Variants in LONP2 observed in about 807,000 individuals in gnomAD.
The protein encoded by LONP2 is lon protease homolog 2, peroxisomal.
LONP2 carries 60 observed loss-of-function variants against 85.6 expected under a neutral mutation model. That is an observed-to-expected ratio of 0.70 (90% CI 0.57 to 0.87). The LOEUF is 0.87. Ranked by LOEUF, LONP2 falls within the 40% of genes least tolerant of loss-of-function variation. LONP2 has a pLI of 0.00. For synonymous variants in LONP2, 395 were observed against 389.7 expected (o/e 1.01, Z -0.16); for missense variants, 860 against 1,063.5 (o/e 0.81, Z 2.66).
At chr16:48,254,489 A>G (rs773351435) in intron 2 of LONP2, among the ~76,000 whole-genome samples, 7 of 150,924 alleles carry the variant, frequency 4.6e-5, no homozygotes, top group Admixed American at 1.3e-4. Context: ...TCAGCCTCCC[A>G]AGTAGCTGGC....
At chr16:48,305,416 G>A (rs561262994) in intron 11 of LONP2, among the ~76,000 whole-genome samples, 5 of 152,044 alleles carry the variant, frequency 3.3e-5, no homozygotes, top group African/African-American at 7.2e-5. Context: ...CACCACGCCC[G>A]GCTAATTTTT....
intron 1 of LONP2, among the ~76,000 whole-genome samples, chr16:48,246,722 G>C (rs1971409550): frequency 6.6e-6 from 1 of 152,040 alleles, no homozygotes. Context: ...CTATAGGCGT[G>C]CACCACTACA....
Position 48,347,651 on chromosome 16 carries a change from G to A in LONP2, c.2083G>A (p.Glu695Lys). Residue 695 changes from glutamate (E) to lysine (K), a missense_variant, in exon 13 of 15, where the codon GAG becomes AAG. By Grantham distance (56) the Glu-to-Lys change is moderately conservative. Around this residue, in one of 3 missense-constraint regions of LONP2, gnomAD observed 743 missense variants for 917.3 expected, o/e 0.81. Coordinates refer to ENST00000285737, the MANE Select transcript of LONP2 (RefSeq NM_031490.5). ...LTGQLGDVMK[E>K]SAHLAISWLR... is the part of the protein sequence containing the mutation. ...CGGCCAGCTCGGGGACGTGATGAAG[G>A]AGTCCGCCCACCTCGCTATCAGCTG... 6.2e-7 allele frequency: 1 copy of A among 1,614,238 alleles called. No individual in the cohort carries two copies. Among genetic ancestry groups the A allele is most frequent in the Non-Finnish European group, 8.5e-7 (1 of 1,180,042 alleles).
chr16:48,256,483 T>G, intron 2 of LONP2, 127 bp from the exon 3 acceptor site: 1 of 902,550 alleles, frequency 1.1e-6, no homozygotes, highest in East Asian at 2.5e-5. Context: ...ACGTGGACTA[T>G]ATTAATCAGT....
chr16:48,333,731 G>C (rs1329055129), intron 11 of LONP2, among the ~76,000 whole-genome samples: 1 of 152,018 alleles, frequency 6.6e-6, no homozygotes, highest in Non-Finnish European at 1.5e-5. Context: ...TACCTGATCA[G>C]ACTCCTCTGA....
chr16:48,279,833 A>G (rs1972289399), intron 8 of LONP2, among the ~76,000 whole-genome samples: 1 of 151,870 alleles, frequency 6.6e-6, no homozygotes, highest in Admixed American at 6.6e-5. Context: ...TTTCTTGTTT[A>G]TTTCTGTGCT....
chr16:48,293,902 C>T (rs1026746452), intron 8 of LONP2, among the ~76,000 whole-genome samples: 1 of 152,182 alleles, frequency 6.6e-6, no homozygotes. Context: ...ATTTTCCATA[C>T]ATAAACATTT....
At chr16:48,287,956 A>T (rs1444448660) in intron 8 of LONP2, among the ~76,000 whole-genome samples, 1 of 152,032 alleles carries the variant, frequency 6.6e-6, no homozygotes, top group African/African-American at 2.4e-5. Flanking sequence ...TGCTTGAATG[A>T]TTTCACTGCA....
chr16:48,350,557 A>T (rs1453258870), intron 14 of LONP2, among the ~76,000 whole-genome samples: 1 of 152,256 alleles, frequency 6.6e-6, no homozygotes, highest in Admixed American at 6.5e-5. Flanking sequence ...GTACTTCAGC[A>T]GCATGAACAA....
intron 8 of LONP2, among the ~76,000 whole-genome samples, chr16:48,295,416 T>G (rs896360411): frequency 2.6e-5 from 4 of 152,226 alleles, no homozygotes; most frequent in African/African-American, 9.6e-5. Context: ...TAAGCAGCAA[T>G]GTTTTGTAGT....
At chr16:48,280,444 A>C (rs1237181528) in intron 8 of LONP2, among the ~76,000 whole-genome samples, 1 of 152,196 alleles carries the variant, frequency 6.6e-6, no homozygotes, top group Non-Finnish European at 1.5e-5. Context: ...TTAGGTCTTC[A>C]CCTATATATA....
At chr16:48,284,128 TGAG>T (rs1251634653) in intron 8 of LONP2, among the ~76,000 whole-genome samples, 2 of 152,164 alleles carry the variant, frequency 1.3e-5, no homozygotes, top group African/African-American at 4.8e-5. Context: ...CTTGAACAGA[TGAG>T]GAGTTGCTTC....
intron 7 of LONP2, among the ~76,000 whole-genome samples, chr16:48,273,872 G>A (rs1972152984): frequency 1.3e-5 from 2 of 151,924 alleles, no homozygotes; most frequent in Admixed American, 1.3e-4. Context: ...TTATATTATT[G>A]CAAGAAATCC....
intron 4 of LONP2, among the ~76,000 whole-genome samples, chr16:48,259,780 CTGGATTATTTCTGGCTTGAGATCAGGT>C (rs1156246853): frequency 2.6e-5 from 4 of 152,168 alleles, no homozygotes; most frequent in Non-Finnish European, 5.9e-5. Context: ...ATGCAGAAAG[CTGGATTATTTCTGGCTTGAGATCAGGT>C]CAGGGACTCA....
At chr16:48,319,273 T>TG (rs1973212867) in intron 11 of LONP2, among the ~76,000 whole-genome samples, 1 of 151,790 alleles carries the variant, frequency 6.6e-6, no homozygotes, top group Non-Finnish European at 1.5e-5. Context: ...CTCAGCTACT[T>TG]GGGAGGGTGA....
In LONP2 at chr16:48,334,343, G is replaced by A. The variant is rs1211447276; in HGVS notation, c.1923G>A (p.Pro641=). The A allele has an allele frequency of 7.4e-6, 12 of 1,614,036 alleles. No homozygotes were observed. In the East Asian group the frequency reaches 1.1e-4, roughly 15 times the overall value. The change falls in exon 12 of 15, where the codon CCG becomes CCA. Residue 641 remains proline, a synonymous_variant. Coordinates refer to ENST00000285737, the MANE Select transcript of LONP2 (RefSeq NM_031490.5). ...FHALKDILGP[P]MYEMEVSQRL... ...CTCTGAAAGACATCCTTGGGCCCCC[G>A]ATGTATGAAATGGAGGTGATTCATT...
chr16:48,339,443 G>C (rs1196267841), intron 12 of LONP2, among the ~76,000 whole-genome samples: 1 of 152,204 alleles, frequency 6.6e-6, no homozygotes, highest in African/African-American at 2.4e-5. Flanking sequence ...GTTGAAGAGA[G>C]AATGGGAGGC....
At chr16:48,280,711 G>A (rs1461158529) in intron 8 of LONP2, among the ~76,000 whole-genome samples, 1 of 151,368 alleles carries the variant, frequency 6.6e-6, no homozygotes, top group African/African-American at 2.4e-5. Context: ...AATGAAGCAA[G>A]ACATACATAT....
chr16:48,285,525 A>G (rs570642991), intron 8 of LONP2, among the ~76,000 whole-genome samples: 1 of 151,768 alleles, frequency 6.6e-6, no homozygotes. Flanking sequence ...CACTTTTTTT[A>G]AAGCCTTTTT....
Sources: allele counts gnomAD v4.1 joint callset (sites outside exome capture counted in the v4.1 genomes callset), GRCh38; gene constraint gnomAD v4.1.1; regional missense constraint gnomAD v4.1.1; transcripts MANE v1.5; gene names NCBI Gene and HGNC (gene_info 2026-07-23, HGNC 2026-07-21).